USP24: variants seen among roughly 807,000 people sequenced by gnomAD.
USP24 encodes the protein ubiquitin specific peptidase 24, also known as ubiquitin carboxyl-terminal hydrolase 24.
A neutral mutation model predicts 361.6 loss-of-function variants in USP24; 97 were observed. The ratio of observed to expected loss-of-function variants is 0.27; its 90% CI spans 0.23 to 0.32. The LOEUF (loss-of-function observed/expected upper bound fraction) is 0.32. Ranked by LOEUF, USP24 falls within the 10% of genes least tolerant of loss-of-function variation. The probability of loss-of-function intolerance (pLI) is 1.00; values close to 1 mark genes in which losing one functional copy is unlikely to be tolerated. For synonymous variants in USP24, 1,098 were observed against 1,124.6 expected, an observed-to-expected ratio of 0.98 and a Z score of 0.47; for missense variants, 2,353 against 3,165.6, an observed-to-expected ratio of 0.74 and a Z score of 6.16.
chr1:55,082,330 T>C (rs1316136396), intron 58 of USP24, among the ~76,000 whole-genome samples: 1 of 152,152 alleles, frequency 6.6e-6, no homozygotes, highest in Non-Finnish European at 1.5e-5. Flanking sequence ...ACTGTGAGTA[T>C]CAAAAGTATA....
intron 63 of USP24, among the ~76,000 whole-genome samples, chr1:55,074,405 G>A (rs1341121063): frequency 1.3e-5 from 2 of 152,064 alleles, no homozygotes; most frequent in African/African-American, 4.8e-5. Context: ...AGGCAAAGGC[G>A]GGTGGATCAC....
intron 23 of USP24, among the ~76,000 whole-genome samples, chr1:55,142,188 T>C (rs1417075821): frequency 2.0e-5 from 3 of 152,164 alleles, no homozygotes; most frequent in African/African-American, 7.2e-5. Flanking sequence ...ATGTAAAACT[T>C]AAGCATATCA....
At chr1:55,103,327 A>C (rs959641098) in intron 42 of USP24, among the ~76,000 whole-genome samples, 1 of 152,142 alleles carries the variant, frequency 6.6e-6, no homozygotes, top group Non-Finnish European at 1.5e-5. Flanking sequence ...TCTGTGTTAG[A>C]GCATTGAGGA....
chr1:55,203,319 A>G (rs1216322861), intron 1 of USP24, among the ~76,000 whole-genome samples: 1 of 152,214 alleles, frequency 6.6e-6, no homozygotes, highest in African/African-American at 2.4e-5. Context: ...AAGTAAACAA[A>G]AGACATCTCA....
At chr1:55,131,733 C>A (rs1033091738) in intron 31 of USP24, among the ~76,000 whole-genome samples, 5 of 152,046 alleles carry the variant, frequency 3.3e-5, no homozygotes, top group African/African-American at 1.2e-4. Context: ...AATGCAGGTA[C>A]CCTCTTAAAA....
At chr1:55,171,898 G>A (rs980727514) in intron 4 of USP24, among the ~76,000 whole-genome samples, 2 of 152,176 alleles carry the variant, frequency 1.3e-5, no homozygotes, top group Non-Finnish European at 2.9e-5. Flanking sequence ...AGAGGAGGAG[G>A]TAACAGGATA....
chr1:55,182,713 AAC>A (rs1344413375), intron 1 of USP24, among the ~76,000 whole-genome samples: 1 of 151,886 alleles, frequency 6.6e-6, no homozygotes, highest in African/African-American at 2.4e-5. Flanking sequence ...CGAAATGAAA[AAC>A]AGTCTTTTAT....
rs997045499 is a variant in USP24, at chr1:55,147,323, C to T, written c.2119-263G>A. On this transcript the variant is annotated intron_variant, in intron 18 of 67. Coordinates refer to ENST00000294383, the MANE Select transcript of USP24 (RefSeq NM_015306.3). ...TCAGCAATCTCAAAGTAAAACACTA[C>T]AAACTCACAACTGGTGAGTTAAGAT... is the stretch of plus-strand genomic sequence containing the variant. Among the ~76,000 whole-genome samples the T allele has an allele frequency of 5.9e-5, 9 of 152,172 alleles. No individual in the cohort carries two copies. The South Asian group carries it at 1.9e-3, about 32-fold the overall frequency.
intron 38 of USP24, among the ~76,000 whole-genome samples, chr1:55,115,068 A>C (rs1646066598): frequency 6.6e-6 from 1 of 152,202 alleles, no homozygotes; most frequent in South Asian, 2.1e-4. Flanking sequence ...AACTCCATCG[A>C]AAAATGGGCA....
chr1:55,140,706 T>A (rs1229243168), intron 24 of USP24, among the ~76,000 whole-genome samples: 1 of 152,154 alleles, frequency 6.6e-6, no homozygotes, highest in Non-Finnish European at 1.5e-5. Context: ...ACTCTATGAG[T>A]ACCCATCACT....
intron 29 of USP24, 22 bp from the exon 30 acceptor site, chr1:55,134,185 T>A: frequency 6.2e-7 from 1 of 1,608,360 alleles, no homozygotes; most frequent in Non-Finnish European, 8.5e-7. Flanking sequence ...CAAATACAAA[T>A]TTTTTCATAT....
chr1:55,131,659 G>A (rs1646594836), intron 31 of USP24, among the ~76,000 whole-genome samples: 1 of 152,116 alleles, frequency 6.6e-6, no homozygotes, highest in African/African-American at 2.4e-5. Context: ...AGTGGAGTGG[G>A]AAAATGAAGG....
At chr1:55,145,851 A>G (rs772269525) in intron 20 of USP24, 147 bp downstream of exon 20, 1 of 593,902 alleles carries the variant, frequency 1.7e-6, no homozygotes, top group Non-Finnish European at 2.9e-6. Context: ...TTTGAGTACT[A>G]AATATGTCTT....
At chr1:55,205,405 A>G (rs1644680145) in intron 1 of USP24, among the ~76,000 whole-genome samples, 1 of 152,196 alleles carries the variant, frequency 6.6e-6, no homozygotes, top group Non-Finnish European at 1.5e-5. Context: ...AAACTCCATT[A>G]AAGCTTCAAC....
At chr1:55,178,394 C>T (rs1210003538) in intron 1 of USP24, among the ~76,000 whole-genome samples, 9 of 152,128 alleles carry the variant, frequency 5.9e-5, no homozygotes, top group Admixed American at 3.3e-4. Context: ...CCAGGCCGGG[C>T]GCAGTGGCTC....
intron 38 of USP24, among the ~76,000 whole-genome samples, chr1:55,115,438 G>C (rs1334416520): frequency 1.6e-5 from 2 of 125,482 alleles, no homozygotes; most frequent in Non-Finnish European, 3.2e-5. Context: ...GGAGCTTGCA[G>C]TGAGCCGAGA....
At chr1:55,092,954 A>T in intron 52 of USP24, 38 bp from the exon 53 acceptor site, 1 of 1,328,454 alleles carries the variant, frequency 7.5e-7, no homozygotes, top group Non-Finnish European at 1.0e-6. Context: ...TATGAAATGG[A>T]AAAATATTCA....
chr1:55,074,746 G>A (rs1644991641), intron 63 of USP24, among the ~76,000 whole-genome samples: 1 of 152,106 alleles, frequency 6.6e-6, no homozygotes, highest in African/African-American at 2.4e-5. Flanking sequence ...CAGACGGCCT[G>A]TGTGTGGCTC....
intron 31 of USP24, among the ~76,000 whole-genome samples, chr1:55,131,061 G>A (rs1046365260): frequency 2.2e-4 from 33 of 152,122 alleles, no homozygotes; most frequent in African/African-American, 7.7e-4. Flanking sequence ...GGACCATTCT[G>A]TTTTTCTATT....
Sources: gnomAD v4.1 joint callset for allele counts (sites outside exome capture counted in the v4.1 genomes callset) on GRCh38, gnomAD v4.1.1 for gene constraint, MANE v1.5 for transcripts, NCBI Gene and HGNC (gene_info 2026-07-23, HGNC 2026-07-21) for gene names.